The following BRINP1 variants were observed in gnomAD, a reference collection of about 807,000 sequenced individuals.
BRINP1 encodes BMP/retinoic acid inducible neural specific 1.
Under a neutral mutation model 72.9 loss-of-function variants are expected in BRINP1, and 17 were observed. The ratio of observed to expected loss-of-function variants is 0.23; its 90% CI spans 0.16 to 0.35. BRINP1 has a LOEUF of 0.35. BRINP1 is among the 10% of genes least tolerant of loss of function. The probability of loss-of-function intolerance (pLI) is 1.00; values close to 1 mark genes in which losing one functional copy is unlikely to be tolerated. For synonymous variants in BRINP1, 418 were observed against 378.5 expected, an observed-to-expected ratio of 1.10 and a Z score of -1.21; for missense variants, 850 against 1,001.6, an observed-to-expected ratio of 0.85 and a Z score of 2.04.
chr9:119,258,619 T>C (rs1174095567), intron 2 of BRINP1, among the ~76,000 whole-genome samples: 2 of 152,084 alleles, frequency 1.3e-5, no homozygotes, highest in African/African-American at 4.8e-5. Flanking sequence ...CTGAGGCCCA[T>C]AGAGAGAGAG....
intron 7 of BRINP1, among the ~76,000 whole-genome samples, chr9:119,185,944 C>G (rs1829613073): frequency 6.6e-6 from 1 of 152,358 alleles, no homozygotes; most frequent in African/African-American, 2.4e-5. Flanking sequence ...GCTTCTCCAT[C>G]CCTGAGGCAC....
In BRINP1 at chr9:119,335,384, CT is replaced by C. The variant is rs1459899769; in HGVS notation, c.-50-21980del. ...CAGAAAGTTGGAAGTTTTAAATTAT[CT>C]CTAAGGGCCCTTCTAACTCAGGCAT... is the stretch of plus-strand genomic sequence containing the variant. On this transcript the variant is annotated intron_variant, in intron 1 of 7. Transcript: ENST00000265922. 5.9e-5 allele frequency among the ~76,000 whole-genome samples: 9 copies of C among 152,194 alleles called. No individual in the cohort carries two copies. The East Asian group carries it at 1.7e-3, about 29-fold the overall frequency.
chr9:119,184,208 G>T (rs1370186270), intron 7 of BRINP1, among the ~76,000 whole-genome samples: 1 of 152,110 alleles, frequency 6.6e-6, no homozygotes, highest in Non-Finnish European at 1.5e-5. Context: ...ACAAGCATGG[G>T]TGCAAATGGA....
At chr9:119,261,843 C>CCT (rs961298143) in intron 2 of BRINP1, among the ~76,000 whole-genome samples, 2 of 150,540 alleles carry the variant, frequency 1.3e-5, no homozygotes, top group Non-Finnish European at 3.0e-5. Flanking sequence ...CTTTCTTTCT[C>CCT]CTCTCTTCTC....
chr9:119,245,419 G>A (rs531478959), intron 3 of BRINP1, among the ~76,000 whole-genome samples: 10 of 152,114 alleles, frequency 6.6e-5, no homozygotes, highest in South Asian at 4.1e-4. Context: ...TTAACCACAC[G>A]TGTCACACAG....
At chr9:119,197,055 A>G (rs557646793) in intron 7 of BRINP1, among the ~76,000 whole-genome samples, 5 of 152,358 alleles carry the variant, frequency 3.3e-5, no homozygotes, top group African/African-American at 9.6e-5. Context: ...AAAACAAGTT[A>G]TCTGCCTTCA....
intron 7 of BRINP1, among the ~76,000 whole-genome samples, chr9:119,170,562 A>T (rs900456771): frequency 4.6e-5 from 7 of 152,090 alleles, no homozygotes; most frequent in Non-Finnish European, 1.0e-4. Flanking sequence ...ACTCTGCAGG[A>T]TATTATCCAG....
intron 6 of BRINP1, among the ~76,000 whole-genome samples, chr9:119,212,714 A>G (rs2118875760): frequency 6.6e-6 from 1 of 152,354 alleles, no homozygotes; most frequent in East Asian, 1.9e-4. Context: ...TTTAACAGGT[A>G]CTTGAGCACA....
intron 7 of BRINP1, among the ~76,000 whole-genome samples, chr9:119,200,076 G>A (rs1487895012): frequency 6.6e-6 from 1 of 152,138 alleles, no homozygotes; most frequent in Admixed American, 6.5e-5. Context: ...AACATATGTA[G>A]AAAGTACATA....
intron 1 of BRINP1, among the ~76,000 whole-genome samples, chr9:119,339,113 G>T (rs1366184985): frequency 1.3e-5 from 2 of 152,148 alleles, no homozygotes; most frequent in African/African-American, 4.8e-5. Flanking sequence ...ACCAAGAGTA[G>T]AATAGGTTTT....
Position 119,168,110 on chromosome 9 carries a change from C to A in BRINP1, c.1260G>T (p.Thr420=), listed in dbSNP as rs35224314. ...CGCAGGGGATGGGGCGCTGGCACAG[C>A]GTGGTGCTGCCGTGGCACACGCAGC... ...QRSCVCHGST[T]LCQRPIPCVI... Residue 420 remains threonine (T), a synonymous_variant, in exon 8 of 8, where the codon ACG becomes ACT. Transcript: ENST00000265922. The A allele has an allele frequency of 3.7e-6, 6 of 1,608,204 alleles. No individual in the cohort carries two copies. Among genetic ancestry groups the A allele is most frequent in the Non-Finnish European group, 3.4e-6 (4 of 1,176,456 alleles).
chr9:119,294,005 T>C (rs986696148), intron 2 of BRINP1, among the ~76,000 whole-genome samples: 1 of 152,122 alleles, frequency 6.6e-6, no homozygotes, highest in African/African-American at 2.4e-5. Context: ...GATGATCATA[T>C]AGAAAATCCT....
intron 7 of BRINP1, among the ~76,000 whole-genome samples, chr9:119,189,860 C>T (rs1829664536): frequency 6.6e-6 from 1 of 152,010 alleles, no homozygotes; most frequent in Admixed American, 6.6e-5. Context: ...TCAACATCAG[C>T]AGACTATACA....
intron 5 of BRINP1, among the ~76,000 whole-genome samples, chr9:119,216,303 T>C (rs1829974534): frequency 6.6e-6 from 1 of 152,110 alleles, no homozygotes; most frequent in East Asian, 1.9e-4. Context: ...TATATGTCAA[T>C]ATGCATGGAA....
intron 2 of BRINP1, among the ~76,000 whole-genome samples, chr9:119,294,240 C>T (rs1429055690): frequency 6.6e-6 from 1 of 152,072 alleles, no homozygotes; most frequent in East Asian, 1.9e-4. Flanking sequence ...AATTATAAAA[C>T]GTTGATGAGG....
chr9:119,290,150 T>A (rs1830807402), intron 2 of BRINP1, among the ~76,000 whole-genome samples: 1 of 152,152 alleles, frequency 6.6e-6, no homozygotes, highest in Non-Finnish European at 1.5e-5. Flanking sequence ...ACAGAAGCCA[T>A]AGGAGAGTTT....
chr9:119,234,665 G>C (rs1830177212), intron 5 of BRINP1, among the ~76,000 whole-genome samples: 1 of 151,302 alleles, frequency 6.6e-6, no homozygotes, highest in African/African-American at 2.4e-5. Flanking sequence ...CTTATACTTA[G>C]TGTTTTTTTG....
intron 5 of BRINP1, among the ~76,000 whole-genome samples, chr9:119,215,184 T>G (rs963690828): frequency 6.6e-6 from 1 of 152,222 alleles, no homozygotes; most frequent in African/African-American, 2.4e-5. Context: ...CAATAGGAAG[T>G]GACCAGCCCA....
intron 7 of BRINP1, among the ~76,000 whole-genome samples, chr9:119,189,396 AAG>A (rs903343533): frequency 2.0e-5 from 3 of 152,150 alleles, no homozygotes; most frequent in African/African-American, 7.2e-5. Flanking sequence ...GACAAAAGAA[AAG>A]ACTCAACTAT....
Sources: gnomAD v4.1 joint callset for allele counts (sites outside exome capture counted in the v4.1 genomes callset) on GRCh38, gnomAD v4.1.1 for gene constraint, MANE v1.5 for transcripts, NCBI Gene and HGNC (gene_info 2026-07-23, HGNC 2026-07-21) for gene names.